The following C8orf34 variants were observed in gnomAD, a reference collection of about 807,000 sequenced individuals.
C8orf34 encodes the protein uncharacterized protein C8orf34.
In C8orf34, 65 loss-of-function variants were observed where a neutral mutation model predicts 68.3. That is an observed-to-expected ratio of 0.95 (90% confidence interval 0.78 to 1.17). The LOEUF (loss-of-function observed/expected upper bound fraction) is 1.17, where lower values mean the gene tolerates loss of function less well. C8orf34 is among the 50% of genes most tolerant of loss of function. The pLI, the probability that C8orf34 is intolerant of heterozygous loss-of-function variation, is 0.00. For synonymous variants in C8orf34, 244 were observed against 241.2 expected, an observed-to-expected ratio of 1.01 and a Z score of -0.11; for missense variants, 664 against 655.4, an observed-to-expected ratio of 1.01 and a Z score of -0.14.
chr8:68,398,802 T>C (rs1430155904), intron 1 of C8orf34, among the ~76,000 whole-genome samples: 1 of 152,190 alleles, frequency 6.6e-6, no homozygotes, highest in Non-Finnish European at 1.5e-5. Flanking sequence ...TTGCTAAATA[T>C]GCAATTTTAA....
chr8:68,740,307 C>T lies in C8orf34; in HGVS notation c.1404+18870C>T, dbSNP rs142217705. Among the ~76,000 whole-genome samples the T allele has an allele frequency of 5.7e-3, 868 of 152,048 alleles. 8 individuals carry two copies. Among genetic ancestry groups the T allele is most frequent in the African/African-American group, 0.02 (822 of 41,508 alleles). On this transcript the variant is annotated intron_variant, in intron 10 of 13. Coordinates refer to ENST00000518698, the MANE Select transcript of C8orf34 (RefSeq NM_052958.4). ...CATAGCAAAAGAAACTATCAGCAAA[C>T]AGACAACTTACAGAATGGGAGAAAG... is the stretch of plus-strand genomic sequence containing the variant.
chr8:68,701,238 C>T (rs1234381513), intron 8 of C8orf34, among the ~76,000 whole-genome samples: 1 of 152,076 alleles, frequency 6.6e-6, no homozygotes, highest in African/African-American at 2.4e-5. Context: ...CAGATTTCCA[C>T]CTACCTCTCT....
intron 10 of C8orf34, among the ~76,000 whole-genome samples, chr8:68,766,711 A>T (rs1823187276): frequency 6.6e-6 from 1 of 152,232 alleles, no homozygotes; most frequent in South Asian, 2.1e-4. Flanking sequence ...CTAATTTTTT[A>T]AAATTTCACT....
At chr8:68,708,732 G>A (rs373015548) in intron 8 of C8orf34, among the ~76,000 whole-genome samples, 7 of 152,028 alleles carry the variant, frequency 4.6e-5, no homozygotes, top group African/African-American at 1.4e-4. Flanking sequence ...ACCTTTCTAC[G>A]GTCAGTCTGA....
intron 8 of C8orf34, among the ~76,000 whole-genome samples, chr8:68,655,654 A>G (rs1314906415): frequency 1.3e-5 from 2 of 152,182 alleles, no homozygotes; most frequent in African/African-American, 4.8e-5. Flanking sequence ...AGGTGAGTCT[A>G]AGCTTGTTCG....
At chr8:68,492,178 C>G (rs1254153575) in intron 5 of C8orf34, among the ~76,000 whole-genome samples, 1 of 152,146 alleles carries the variant, frequency 6.6e-6, no homozygotes, top group Admixed American at 6.6e-5. Flanking sequence ...TCTTGACTCT[C>G]TAGTATCTAC....
Position 68,331,294 on chromosome 8 carries a change from G to C in C8orf34, c.282G>C (p.Arg94=). 1 of 1,536,492 alleles carries C rather than the reference G, an allele frequency of 6.5e-7. No homozygotes were observed. Among genetic ancestry groups the C allele is most frequent in the African/African-American group, 1.4e-5 (1 of 73,182 alleles). The change falls in exon 1 of 14, where the codon CGG becomes CGC. Residue 94 remains arginine, a synonymous_variant. Transcript: ENST00000518698. The part of the protein sequence containing the change: ...LFPMASHPQT[R]IQAYLEKNKI... ...CCATGGCGTCTCATCCGCAAACCCG[G>C]ATCCAGGCTTACCTGGAGAAGAACA...
intron 10 of C8orf34, among the ~76,000 whole-genome samples, chr8:68,739,482 A>G (rs924398659): frequency 9.2e-5 from 14 of 152,052 alleles, no homozygotes; most frequent in Admixed American, 3.3e-4. Flanking sequence ...ACAAAATCCC[A>G]TTCACAGTTG....
At chr8:68,386,819 C>T (rs759883254) in intron 1 of C8orf34, among the ~76,000 whole-genome samples, 10 of 151,986 alleles carry the variant, frequency 6.6e-5, no homozygotes, top group Non-Finnish European at 1.5e-4. Context: ...CTGTCCTGGG[C>T]ACTGTAGGAT....
At chr8:68,691,034 C>T (rs562506802) in intron 8 of C8orf34, among the ~76,000 whole-genome samples, 1 of 152,174 alleles carries the variant, frequency 6.6e-6, no homozygotes, top group Non-Finnish European at 1.5e-5. Flanking sequence ...TCAGTGTATC[C>T]TTTTTGCACC....
At chr8:68,566,294 T>A (rs939277793) in intron 7 of C8orf34, among the ~76,000 whole-genome samples, 2 of 152,154 alleles carry the variant, frequency 1.3e-5, no homozygotes, top group African/African-American at 4.8e-5. Flanking sequence ...TTGTCTTTTC[T>A]GCTCCTCTCC....
At chr8:68,734,359 AGG>A (rs1471130452) in intron 10 of C8orf34, among the ~76,000 whole-genome samples, 2 of 152,116 alleles carry the variant, frequency 1.3e-5, no homozygotes, top group African/African-American at 4.8e-5. Context: ...AACCTCTGCC[AGG>A]GGTGCATTTC....
At chr8:68,352,694 G>A (rs980072701) in intron 1 of C8orf34, among the ~76,000 whole-genome samples, 3 of 152,010 alleles carry the variant, frequency 2.0e-5, no homozygotes, top group Admixed American at 6.6e-5. Flanking sequence ...TTTTGGGTTC[G>A]AAATGTGTTA....
intron 7 of C8orf34, among the ~76,000 whole-genome samples, chr8:68,545,989 A>T (rs1815865051): frequency 6.6e-6 from 1 of 152,142 alleles, no homozygotes; most frequent in South Asian, 2.1e-4. Context: ...TTATTATAAG[A>T]GGTGATATAA....
chr8:68,452,815 G>A (rs1481491141), intron 3 of C8orf34, among the ~76,000 whole-genome samples: 1 of 149,372 alleles, frequency 6.7e-6, no homozygotes, highest in Admixed American at 6.7e-5. Flanking sequence ...TTGTGTTTTT[G>A]GTGTCATATC....
intron 10 of C8orf34, among the ~76,000 whole-genome samples, chr8:68,753,166 A>G (rs1822755476): frequency 6.6e-6 from 1 of 152,222 alleles, no homozygotes; most frequent in South Asian, 2.1e-4. Flanking sequence ...ATGTTCTCGT[A>G]GATAAAGGAA....
chr8:68,702,891 G>T (rs1268748473), intron 8 of C8orf34, among the ~76,000 whole-genome samples: 1 of 152,088 alleles, frequency 6.6e-6, no homozygotes, highest in Admixed American at 6.6e-5. Flanking sequence ...TGTTGTGAGT[G>T]TATCTTTACT....
chr8:68,715,324 A>G (rs1821440606), intron 9 of C8orf34, among the ~76,000 whole-genome samples: 1 of 152,208 alleles, frequency 6.6e-6, no homozygotes, highest in Admixed American at 6.5e-5. Flanking sequence ...TAATCAACAG[A>G]GTAAACAGAA....
rs763462550 is a variant in C8orf34 at position 68,468,729 on chromosome 8, G to A, written c.645G>A (p.Arg215=). ...TAGAGCATCCAAAGTGGAACTGGAG[G>A]ACTAAACCACAAAGCCGTGATTTTG... ...RSVEHPKWNW[R]TKPQSRDFDE... The change falls in exon 4 of 14, where the codon AGG becomes AGA. Residue 215 remains arginine, a synonymous_variant. Coordinates refer to ENST00000518698, the MANE Select transcript of C8orf34 (RefSeq NM_052958.4). 6.2e-7 allele frequency: 1 copy of A among 1,612,808 alleles called. No individual in the cohort carries two copies. The highest frequency in any genetic ancestry group is 1.3e-5 in the African/African-American group (1 of 74,904).
Sources: allele counts gnomAD v4.1 joint callset (sites outside exome capture counted in the v4.1 genomes callset), GRCh38; gene constraint gnomAD v4.1.1; transcripts MANE v1.5; gene names NCBI Gene and HGNC (gene_info 2026-07-23, HGNC 2026-07-21).